Variants in BABAM2 observed in about 807,000 individuals in gnomAD.
BABAM2 encodes the protein BRISC and BRCA1-A complex member 2.
BABAM2 carries 31 observed loss-of-function variants against 54.7 expected under a neutral mutation model. The ratio of observed to expected loss-of-function variants is 0.57; its 90% CI spans 0.43 to 0.77. BABAM2 has a LOEUF of 0.77. Among genes scored for constraint, BABAM2 ranks in the 30% least tolerant of loss-of-function variants. The pLI, the probability that BABAM2 is intolerant of heterozygous loss-of-function variation, is 0.00. For missense variants in BABAM2, 364 were observed against 455.8 expected (o/e 0.80, Z 1.83); for synonymous variants, 167 against 162.9 (o/e 1.03, Z -0.19).
intron 6 of BABAM2, among the ~76,000 whole-genome samples, chr2:28,108,009 A>G (rs979632294): frequency 6.6e-6 from 1 of 152,082 alleles, no homozygotes; most frequent in Non-Finnish European, 1.5e-5. Context: ...GGTTTATCTG[A>G]GGGGAAAGTC....
At chr2:27,940,720 A>G (rs543662234) in intron 3 of BABAM2, among the ~76,000 whole-genome samples, 115 of 152,326 alleles carry the variant, frequency 7.5e-4, no homozygotes, top group Non-Finnish European at 9.7e-4. Context: ...CACTGGAACT[A>G]ACATAAATTG....
rs547283219 is a variant in BABAM2 at position 27,963,246 on chromosome 2, G to A, written c.206-24747G>A. 2.1e-3 allele frequency among the ~76,000 whole-genome samples: 317 copies of A among 152,184 alleles called. 1 individual carries two copies. Among genetic ancestry groups the A allele is most frequent in the African/African-American group, 7.2e-3 (300 of 41,544 alleles). ...GCACTTTGGGAGGCTGAAGCGGGTG[G>A]ATCACCTGAAGTCAGGAGTTCGAGA... On this transcript the variant is annotated intron_variant, in intron 3 of 11. Coordinates refer to ENST00000379624, the MANE Select transcript of BABAM2 (RefSeq NM_199191.3).
intron 8 of BABAM2, among the ~76,000 whole-genome samples, chr2:28,240,166 G>C (rs894272961): frequency 6.6e-6 from 1 of 151,738 alleles, no homozygotes; most frequent in Non-Finnish European, 1.5e-5. Context: ...GGTCGCCCAG[G>C]CTGGGGTGCA....
At chr2:28,173,028 T>C (rs539318703) in intron 7 of BABAM2, among the ~76,000 whole-genome samples, 43 of 152,300 alleles carry the variant, frequency 2.8e-4, no homozygotes, top group Non-Finnish European at 4.3e-4. Context: ...TTGTGAACTG[T>C]CTGGTTTCCG....
intron 7 of BABAM2, among the ~76,000 whole-genome samples, chr2:28,134,204 CAAAAAAA>C (rs11321296): frequency 9.3e-6 from 1 of 107,048 alleles, no homozygotes; most frequent in African/African-American, 3.7e-5. Context: ...GTGAGTTATG[CAAAAAAA>C]AAAAAAAAAA....
intron 6 of BABAM2, among the ~76,000 whole-genome samples, chr2:28,112,197 C>CCCTTCCTTCCTTCCTTCCTTCCTACCTT (rs1668183042): frequency 3.9e-5 from 1 of 25,498 alleles, no homozygotes; most frequent in South Asian, 5.5e-3. Flanking sequence ...CTCCCTCCCT[C>CCCTTCCTTCCTTCCTTCCTTCCTACCTT]CCTTCCTTCC....
intron 10 of BABAM2, 87 bp from the exon 11 acceptor site, chr2:28,298,251 G>T (rs1213078235): frequency 2.1e-6 from 3 of 1,398,724 alleles, no homozygotes; most frequent in East Asian, 4.6e-5. Context: ...ATAGAGTTTC[G>T]TACCTAACAT....
At chr2:28,130,444 A>G (rs1256035424) in intron 7 of BABAM2, among the ~76,000 whole-genome samples, 1 of 152,066 alleles carries the variant, frequency 6.6e-6, no homozygotes, top group Non-Finnish European at 1.5e-5. Flanking sequence ...AGTAGCAGAC[A>G]CTCAATGAAT....
rs187137986 is a variant in BABAM2, at chr2:28,241,202, T to A, written c.781-121T>A. ...AATAGTCACAGTTGTTGAATGTAGG[T>A]AGTGGGAATACCGGTGTTCACTTTA... is the stretch of plus-strand genomic sequence containing the variant. On this transcript the variant is annotated intron_variant, in intron 8 of 11. Coordinates refer to ENST00000379624, the MANE Select transcript of BABAM2 (RefSeq NM_199191.3). 4.4e-5 allele frequency: 38 copies of A among 869,880 alleles called. No individual in the cohort carries two copies. In the East Asian group the frequency reaches 9.8e-4, roughly 22 times the overall value. The allele number at this position is 869,880 out of a possible 1,614,324, so 53.9% of individuals were successfully genotyped here.
intron 7 of BABAM2, among the ~76,000 whole-genome samples, chr2:28,186,490 G>T (rs767249061): frequency 6.6e-6 from 1 of 152,174 alleles, no homozygotes; most frequent in South Asian, 2.1e-4. Context: ...AGAAGGCTGG[G>T]TGTGGTGGCT....
intron 3 of BABAM2, among the ~76,000 whole-genome samples, chr2:27,933,061 A>AAAT (rs1486335381): frequency 9.8e-5 from 15 of 152,290 alleles, no homozygotes; most frequent in Admixed American, 7.8e-4. Context: ...CTTGAGACAA[A>AAAT]AATAATGTGA....
chr2:27,908,528 C>T (rs1482284546), intron 2 of BABAM2, among the ~76,000 whole-genome samples: 1 of 152,184 alleles, frequency 6.6e-6, no homozygotes, highest in Non-Finnish European at 1.5e-5. Flanking sequence ...CCACCTTGGC[C>T]TCTCAAAGTG....
intron 6 of BABAM2, among the ~76,000 whole-genome samples, chr2:28,111,776 C>G (rs1246567934): frequency 6.6e-6 from 1 of 152,170 alleles, no homozygotes; most frequent in Non-Finnish European, 1.5e-5. Flanking sequence ...AAATATCCCC[C>G]AGGTGTAGCT....
At chr2:27,958,857 A>T (rs1433489335) in intron 3 of BABAM2, among the ~76,000 whole-genome samples, 2 of 152,148 alleles carry the variant, frequency 1.3e-5, no homozygotes, top group Non-Finnish European at 2.9e-5. Flanking sequence ...CTGCAGAAGA[A>T]GGAGAGATGG....
intron 6 of BABAM2, among the ~76,000 whole-genome samples, chr2:28,057,507 T>A (rs1013590259): frequency 6.6e-6 from 1 of 152,032 alleles, no homozygotes; most frequent in Non-Finnish European, 1.5e-5. Context: ...TTTTTTTTTT[T>A]AATCTGGAAC....
At chr2:27,908,934 T>A (rs1389882030) in intron 2 of BABAM2, among the ~76,000 whole-genome samples, 1 of 152,206 alleles carries the variant, frequency 6.6e-6, no homozygotes, top group Non-Finnish European at 1.5e-5. Flanking sequence ...TTGTTTTTGT[T>A]TTTGTTTTCA....
At chr2:28,311,137 T>G (rs900695148) in intron 11 of BABAM2, among the ~76,000 whole-genome samples, 8 of 151,450 alleles carry the variant, frequency 5.3e-5, no homozygotes, top group African/African-American at 1.9e-4. Context: ...GGTGGGCACC[T>G]GTAGTCCCAG....
chr2:28,127,390 G>C (rs569704993), intron 6 of BABAM2, among the ~76,000 whole-genome samples: 5 of 152,220 alleles, frequency 3.3e-5, no homozygotes, highest in African/African-American at 1.2e-4. Flanking sequence ...AGTGGGAATG[G>C]TCTTCATGAA....
At chr2:28,109,386 C>T (rs988037208) in intron 6 of BABAM2, among the ~76,000 whole-genome samples, 1 of 151,902 alleles carries the variant, frequency 6.6e-6, no homozygotes, top group African/African-American at 2.4e-5. Context: ...GACAGGGTTT[C>T]ACCTTGTTAG....
Sources: allele counts gnomAD v4.1 joint callset (sites outside exome capture counted in the v4.1 genomes callset), GRCh38; gene constraint gnomAD v4.1.1; transcripts MANE v1.5; gene names NCBI Gene and HGNC (gene_info 2026-07-23, HGNC 2026-07-21).